TRIM47: variants seen among roughly 807,000 people sequenced by gnomAD.
The protein encoded by TRIM47 is E3 ubiquitin-protein ligase TRIM47.
In TRIM47, 46 loss-of-function variants were observed where a neutral mutation model predicts 54.4. That is an observed-to-expected ratio of 0.84 (90% confidence interval 0.67 to 1.08). The LOEUF (loss-of-function observed/expected upper bound fraction) is 1.08. Ranked by LOEUF, TRIM47 falls within the 50% of genes least tolerant of loss-of-function variation. TRIM47 has a pLI of 0.00. For missense variants in TRIM47, 825 were observed against 910.1 expected, an observed-to-expected ratio of 0.91 and a Z score of 1.20; for synonymous variants, 392 against 410.2, an observed-to-expected ratio of 0.96 and a Z score of 0.54.
chr17:75,878,069 C>A lies in TRIM47; in HGVS notation c.480G>T (p.Glu160Asp). The A allele has an allele frequency of 7.3e-7, 1 of 1,362,608 alleles. No individual in the cohort carries two copies. Among genetic ancestry groups the A allele is most frequent in the Non-Finnish European group, 9.4e-7 (1 of 1,062,460 alleles). 84.4% of individuals were successfully genotyped at this position (1,362,608 alleles called of 1,614,324 possible). Residue 160 changes from glutamate to aspartate, a missense_variant, in exon 1 of 6, where the codon GAG becomes GAT. Transcript: ENST00000254816. ...GGTGTCCGCGGAGGGCGGGGCTGCG[C>A]TCGTGCGGGCCCAGGTGCGCGGGGC... ...SFCPAHLGPH[E>D]RSPALRGHRL...
Position 75,874,590 on chromosome 17 carries a change from G to A in TRIM47, c.1810C>T (p.Leu604Phe). 2.6e-6 allele frequency: 4 copies of A among 1,546,086 alleles called. No individual in the cohort carries two copies. Among genetic ancestry groups the A allele is most frequent in the Non-Finnish European group, 3.5e-6 (4 of 1,147,624 alleles). The change falls in exon 6 of 6, where the codon CTC becomes TTC. Residue 604 changes from leucine to phenylalanine, a missense_variant. By Grantham distance (22) the Leu-to-Phe change is conservative. Transcript: ENST00000254816. The surrounding 1 kb of genome is among the most constrained non-coding windows in gnomAD (Gnocchi z 6.2). ...QSRLDSHFAG[L>F]FTHRLKPAFF... is the part of the protein sequence containing the mutation. ...GCAGGCTTGAGTCTGTGGGTGAAGAGCCCCGCAAAGTGACTGTCCAGGCGG... is the reference window on the plus strand; with the variant it reads ...GCAGGCTTGAGTCTGTGGGTGAAGAACCCCGCAAAGTGACTGTCCAGGCGG...
chr17:75,875,163 C>T lies in TRIM47; in HGVS notation c.1277-40G>A. The T allele has an allele frequency of 6.4e-7, 1 of 1,556,184 alleles. No homozygotes were observed. The highest frequency in any genetic ancestry group is 1.4e-5 in the African/African-American group (1 of 73,740). On this transcript the variant is annotated intron_variant, in intron 5 of 5. Transcript: ENST00000254816. This position sits in a 1 kb window ranked among gnomAD's most constrained non-coding sequence, Gnocchi z 6.1. ...AGAAGAGAGAGGCAGGGCTCAGGGCCAGGCTCAGAGGGCACGGCCCCTCCC... is the reference window on the plus strand; with the variant it reads ...AGAAGAGAGAGGCAGGGCTCAGGGCTAGGCTCAGAGGGCACGGCCCCTCCC...
Position 75,878,211 on chromosome 17 carries a change from GC to G in TRIM47, c.337del (p.Ala113ProfsTer65), listed in dbSNP as rs2065147747. On this transcript the variant is annotated frameshift_variant, in exon 1 of 6. Transcript: ENST00000254816. LOFTEE classifies it high-confidence loss of function. The part of the protein sequence containing the change: ...SALPSVPEPS[A>X]PCAPEPWPAG... ...GGGCCACGGCTCGGGAGCGCAGGGG[GC>G]CGACGGCTCCGGGACACTGGGCAGC... 2 of 1,228,386 alleles carry G rather than the reference GC, an allele frequency of 1.6e-6. No individual in the cohort carries two copies. Among genetic ancestry groups the G allele is most frequent in the Non-Finnish European group, 2.0e-6 (2 of 985,994 alleles). The allele number at this position is 1,228,386 out of a possible 1,614,324, so 76.1% of individuals were successfully genotyped here. A position where few individuals can be genotyped will look rare whatever the true frequency, so the allele number is the denominator to read the frequency against.
chr17:75,876,914 G>C, intron 1 of TRIM47, 101 bp from the exon 2 acceptor site: 5 of 1,112,746 alleles, frequency 4.5e-6, no homozygotes, highest in Non-Finnish European at 6.5e-6. Context: ...TGACTGGGGA[G>C]TGGTATCTGT....
rs769428118 is a variant in TRIM47 at position 75,875,690 on chromosome 17, AGG to A, written c.1201+209_1201+210del. ...CCGGGCCACAGCCCTCTGGAGCTAG[AGG>A]GTGGGCTAGGAGAAGCCCCCTCTAC... On this transcript the variant is annotated intron_variant, in intron 4 of 5. Coordinates refer to ENST00000254816, the MANE Select transcript of TRIM47 (RefSeq NM_033452.3). This position sits in a 1 kb window ranked among gnomAD's most constrained non-coding sequence, Gnocchi z 6.1. 361 of 712,446 alleles carry A rather than the reference AGG, an allele frequency of 5.1e-4. 2 individuals carry two copies. Among genetic ancestry groups the A allele is most frequent in the South Asian group, 9.6e-4 (54 of 56,038 alleles). 44.1% of individuals were successfully genotyped at this position (712,446 alleles called of 1,614,324 possible). A position where few individuals can be genotyped will look rare whatever the true frequency, so the allele number is the denominator to read the frequency against.
Position 75,874,778 on chromosome 17 carries a change from G to A in TRIM47, c.1622C>T (p.Pro541Leu). The A allele has an allele frequency of 6.2e-7, 1 of 1,614,008 alleles. No homozygotes were observed. Among genetic ancestry groups the A allele is most frequent in the Non-Finnish European group, 8.5e-7 (1 of 1,180,014 alleles). Residue 541 changes from proline to leucine, a missense_variant, in exon 6 of 6, where the codon CCC becomes CTC. Coordinates refer to ENST00000254816, the MANE Select transcript of TRIM47 (RefSeq NM_033452.3). This position sits in a 1 kb window ranked among gnomAD's most constrained non-coding sequence, Gnocchi z 6.2. ...VWFHGLEAPL[P>L]HPFSPTVGVC... ...CCCAACCGTGGGCGAGAAGGGGTGG[G>A]GCAGGGGAGCCTCCAGCCCATGAAA...
In TRIM47 at chr17:75,875,863, G is replaced by A. The variant is rs1209313065; in HGVS notation, c.1201+38C>T. ...TGGGGGCCTGTGCGAGAGGCTGGCA[G>A]AGGGTGAGTCATCGGGGGGGCGTGG... is the stretch of plus-strand genomic sequence containing the variant. On this transcript the variant is annotated intron_variant, in intron 4 of 5. Coordinates refer to ENST00000254816, the MANE Select transcript of TRIM47 (RefSeq NM_033452.3). This position sits in a 1 kb window ranked among gnomAD's most constrained non-coding sequence, Gnocchi z 6.1. The A allele has an allele frequency of 6.3e-7, 1 of 1,596,666 alleles. No individual in the cohort carries two copies. The highest frequency in any genetic ancestry group is 1.3e-5 in the African/African-American group (1 of 74,684).
Position 75,877,862 on chromosome 17 carries a change from C to G in TRIM47, c.675+12G>C. 1 of 1,321,552 alleles carries G rather than the reference C, an allele frequency of 7.6e-7. No individual in the cohort carries two copies. The highest frequency in any genetic ancestry group is 2.0e-5 in the South Asian group (1 of 50,764). 81.9% of individuals were successfully genotyped at this position (1,321,552 alleles called of 1,614,324 possible). ...CAGCCCCGGCTCACCCGAGTGTGCC[C>G]CCGGAGCCCACCTCCTGAAGCGCGC... On this transcript the variant is annotated intron_variant, in intron 1 of 5. Coordinates refer to ENST00000254816, the MANE Select transcript of TRIM47 (RefSeq NM_033452.3).
chr17:75,875,277 C>G lies in TRIM47; in HGVS notation c.1276+123G>C, dbSNP rs1018371783. ...GCCGGGGACCACCCCAGGAGCTGCC[C>G]TAGCTCTCCCCACAAACTGGGGAGA... On this transcript the variant is annotated intron_variant, in intron 5 of 5. Coordinates refer to ENST00000254816, the MANE Select transcript of TRIM47 (RefSeq NM_033452.3). This position sits in a 1 kb window ranked among gnomAD's most constrained non-coding sequence, Gnocchi z 6.1. The G allele has an allele frequency of 7.0e-7, 1 of 1,429,640 alleles. No homozygotes were observed. Among genetic ancestry groups the G allele is most frequent in the Non-Finnish European group, 9.7e-7 (1 of 1,031,680 alleles). 88.6% of individuals were successfully genotyped at this position (1,429,640 alleles called of 1,614,324 possible).
In TRIM47 at chr17:75,874,478, C is replaced by T. The variant is rs779242009; in HGVS notation, c.*5G>A. On this transcript the variant is annotated 3_prime_UTR_variant, in exon 6 of 6. Transcript: ENST00000254816. The surrounding 1 kb of genome is among the most constrained non-coding windows in gnomAD (Gnocchi z 6.2). Reference sequence around the variant, plus strand: ...AGACGGCAGCAGGAGCGCCCGTGCCCGGCATCACCTCCTCTTCAGCACGGA... The same window carrying T: ...AGACGGCAGCAGGAGCGCCCGTGCCTGGCATCACCTCCTCTTCAGCACGGA... The T allele has an allele frequency of 5.4e-6, 8 of 1,490,646 alleles. No individual in the cohort carries two copies. Among genetic ancestry groups the T allele is most frequent in the South Asian group, 1.4e-5 (1 of 69,484 alleles). 92.3% of individuals were successfully genotyped at this position (1,490,646 alleles called of 1,614,324 possible). A position where few individuals can be genotyped will look rare whatever the true frequency, so the allele number is the denominator to read the frequency against.
Position 75,875,667 on chromosome 17 carries a change from G to T in TRIM47, c.1202-193C>A. 1.4e-6 allele frequency: 1 copy of T among 714,466 alleles called. No individual in the cohort carries two copies. The allele number at this position is 714,466 out of a possible 1,614,324, so 44.3% of individuals were successfully genotyped here. ...CTGCCTCTTGCCCCATGTGCTTCCC[G>T]GGCCACAGCCCTCTGGAGCTAGAGG... On this transcript the variant is annotated intron_variant, in intron 4 of 5. Coordinates refer to ENST00000254816, the MANE Select transcript of TRIM47 (RefSeq NM_033452.3). This position sits in a 1 kb window ranked among gnomAD's most constrained non-coding sequence, Gnocchi z 6.1.
rs1420741021 is a variant in TRIM47, at chr17:75,878,360, G to C, written c.189C>G (p.Asp63Glu). 1 of 1,361,860 alleles carries C rather than the reference G, an allele frequency of 7.3e-7. No homozygotes were observed. Among genetic ancestry groups the C allele is most frequent in the African/African-American group, 1.5e-5 (1 of 66,130 alleles). 84.4% of individuals were successfully genotyped at this position (1,361,860 alleles called of 1,614,324 possible). A position where few individuals can be genotyped will look rare whatever the true frequency, so the allele number is the denominator to read the frequency against. ...TGTGGTTCTTGCGGAGCTGAAGGCC[G>C]TCGGGGAAGGGCTCCTGGCACAGCG... ...RCPLCQEPFP[D>E]GLQLRKNHTL... The change falls in exon 1 of 6, where the codon GAC becomes GAG. Residue 63 changes from aspartate (D) to glutamate (E), a missense_variant. By Grantham distance (45) the Asp-to-Glu change is conservative. Transcript: ENST00000254816.
Position 75,874,702 on chromosome 17 carries a change from G to T in TRIM47, c.1698C>A (p.Asp566Glu), listed in dbSNP as rs369030407. 2 of 1,613,640 alleles carry T rather than the reference G, an allele frequency of 1.2e-6. No homozygotes were observed. The highest frequency in any genetic ancestry group is 8.5e-7 in the Non-Finnish European group (1 of 1,179,748). The change falls in exon 6 of 6, where the codon GAC (aspartate) becomes GAA (glutamate). Residue 566 changes from aspartate to glutamate, a missense_variant. Transcript: ENST00000254816. The surrounding 1 kb of genome is among the most constrained non-coding windows in gnomAD (Gnocchi z 6.2). Reference sequence around the variant, plus strand: ...GCCTCCGCAGGAGGCTCATCTTGCCGTCCCGTACAGCATAGAAGGCCAAGG... The same window carrying T: ...GCCTCCGCAGGAGGCTCATCTTGCCTTCCCGTACAGCATAGAAGGCCAAGG... ...DRALAFYAVR[D>E]GKMSLLRRLK...
chr17:75,875,940 C>G lies in TRIM47; in HGVS notation c.1162G>C (p.Gly388Arg). Residue 388 changes from glycine (G) to arginine (R), a missense_variant, in exon 4 of 6, where the codon GGT (glycine) becomes CGT (arginine). By Grantham distance (125) the Gly-to-Arg change is moderately radical (BLOSUM62 -2). Transcript: ENST00000254816. This position sits in a 1 kb window ranked among gnomAD's most constrained non-coding sequence, Gnocchi z 6.1. ...VNQWEQLRGP[G>R]GNEDGPQKLD... is the part of the protein sequence containing the mutation. The stretch of plus-strand genomic sequence containing the variant: ...TTCTGTGGCCCATCCTCGTTGCCAC[C>G]CGGCCCCCTCAGCTGCTCCCACTGG... The G allele has an allele frequency of 6.2e-7, 1 of 1,611,722 alleles. No homozygotes were observed.
In TRIM47 at chr17:75,875,861, C is replaced by T; in HGVS notation, c.1201+40G>A. ...CCTGGGGGCCTGTGCGAGAGGCTGG[C>T]AGAGGGTGAGTCATCGGGGGGGCGT... On this transcript the variant is annotated intron_variant, in intron 4 of 5. Transcript: ENST00000254816. The surrounding 1 kb of genome is among the most constrained non-coding windows in gnomAD (Gnocchi z 6.1). The T allele has an allele frequency of 6.3e-7, 1 of 1,594,230 alleles. No homozygotes were observed. Among genetic ancestry groups the T allele is most frequent in the Non-Finnish European group, 8.5e-7 (1 of 1,171,472 alleles).
Position 75,878,282 on chromosome 17 carries a change from GGGGCCGGACCCGGGGCCCGAGCCCT to G in TRIM47, c.242_266del (p.Gln81ProfsTer89). On this transcript the variant is annotated frameshift_variant, in exon 1 of 6. Coordinates refer to ENST00000254816, the MANE Select transcript of TRIM47 (RefSeq NM_033452.3). LOFTEE classifies it high-confidence loss of function. The stretch of plus-strand genomic sequence containing the variant: ...CCGGGGCCAGGGCAGGGGCCGGGCC[GGGGCCGGACCCGGGGCCCGAGCCCT>G]GGCGGAGCTGCAGCAGCTCGGACAG... 7.9e-7 allele frequency: 1 copy of G among 1,262,580 alleles called. No homozygotes were observed. The highest frequency in any genetic ancestry group is 1.0e-6 in the Non-Finnish European group (1 of 1,003,096). 78.2% of individuals were successfully genotyped at this position (1,262,580 alleles called of 1,614,324 possible).
chr17:75,874,329 A>G lies in TRIM47; in HGVS notation c.*154T>C. On this transcript the variant is annotated 3_prime_UTR_variant, in exon 6 of 6. Transcript: ENST00000254816. The surrounding 1 kb of genome is among the most constrained non-coding windows in gnomAD (Gnocchi z 6.2). ...GTCTGGGGGTCCTCCTGCCTGGGAG[A>G]GGGAAGGCTGAGTGTATAAAAAGGT... The G allele has an allele frequency of 1.6e-6, 1 of 639,246 alleles. No individual in the cohort carries two copies. The highest frequency in any genetic ancestry group is 2.4e-6 in the Non-Finnish European group (1 of 412,740). 39.6% of individuals were successfully genotyped at this position (639,246 alleles called of 1,614,324 possible). A position where few individuals can be genotyped will look rare whatever the true frequency, so the allele number is the denominator to read the frequency against.
chr17:75,876,365 G>C lies in TRIM47; in HGVS notation c.899C>G (p.Ser300Cys), dbSNP rs1476284070. 6.2e-7 allele frequency: 1 copy of C among 1,611,988 alleles called. No individual in the cohort carries two copies. The highest frequency in any genetic ancestry group is 8.5e-7 in the Non-Finnish European group (1 of 1,179,966). Residue 300 changes from serine (S) to cysteine (C), a missense_variant, in exon 3 of 6, where the codon TCC (serine) becomes TGC (cysteine). By Grantham distance (112) the Ser-to-Cys change is moderately radical. Transcript: ENST00000254816. ...CTCCTGTCGCCGCAGGTCACCCTGG[G>C]AGCGGCCTAGCATGGCAGCTTCCCC... ...EEGEAAMLGR[S>C]QGDLRRQEEQ...
Position 75,875,501 on chromosome 17 carries a change from A to G in TRIM47, c.1202-27T>C. 2 of 1,599,654 alleles carry G rather than the reference A, an allele frequency of 1.3e-6. No individual in the cohort carries two copies. The highest frequency in any genetic ancestry group is 2.2e-5 in the South Asian group (2 of 90,766). ...TGTAGAAGAGGAGACAGTGGTGAGAACGCCCCCAGACTGCCCCCCTCTGAA... is the reference window on the plus strand; with the variant it reads ...TGTAGAAGAGGAGACAGTGGTGAGAGCGCCCCCAGACTGCCCCCCTCTGAA... On this transcript the variant is annotated intron_variant, in intron 4 of 5. Transcript: ENST00000254816. This position sits in a 1 kb window ranked among gnomAD's most constrained non-coding sequence, Gnocchi z 6.1.
Sources: allele counts gnomAD v4.1 joint callset, GRCh38; gene constraint gnomAD v4.1.1; non-coding constraint Gnocchi (gnomAD v3.1); transcripts MANE v1.5; gene names NCBI Gene and HGNC (gene_info 2026-07-23, HGNC 2026-07-21).